The following PLCB4 variants were observed in gnomAD, a reference collection of about 807,000 sequenced individuals.
The protein encoded by PLCB4 is phospholipase C beta 4.
PLCB4 carries 77 observed loss-of-function variants against 178.8 expected under a neutral mutation model. The observed-to-expected ratio is 0.43, with a 90% CI of 0.36 to 0.52. The LOEUF (loss-of-function observed/expected upper bound fraction) is 0.52, where lower values mean the gene tolerates loss of function less well. Ranked by LOEUF, PLCB4 falls within the 20% of genes least tolerant of loss-of-function variation. PLCB4 has a pLI of 0.00. For missense variants in PLCB4, 1,024 were observed against 1,453.4 expected (o/e 0.70, Z 4.80); for synonymous variants, 496 against 490.8 (o/e 1.01, Z -0.14).
intron 14 of PLCB4, among the ~76,000 whole-genome samples, chr20:9,385,439 G>A (rs1246607862): frequency 6.7e-6 from 1 of 149,252 alleles, no homozygotes; most frequent in African/African-American, 2.5e-5. Context: ...GGGCGGCCGG[G>A]CAGAGGCGCT....
At chr20:9,358,703 G>A (rs929359364) in intron 7 of PLCB4, among the ~76,000 whole-genome samples, 2 of 152,024 alleles carry the variant, frequency 1.3e-5, no homozygotes, top group Non-Finnish European at 2.9e-5. Flanking sequence ...AACACACCCT[G>A]GCCGACATGG....
intron 2 of PLCB4, among the ~76,000 whole-genome samples, chr20:9,186,299 A>G (rs1427853287): frequency 2.6e-5 from 4 of 152,228 alleles, no homozygotes; most frequent in African/African-American, 9.6e-5. Flanking sequence ...AAGTTTTTTA[A>G]AAAATAGTAT....
intron 12 of PLCB4, among the ~76,000 whole-genome samples, chr20:9,373,314 G>A (rs777282178): frequency 2.0e-5 from 3 of 152,154 alleles, no homozygotes; most frequent in Admixed American, 1.3e-4. Flanking sequence ...ACCACTTTTT[G>A]TTGGTTTCTG....
intron 7 of PLCB4, among the ~76,000 whole-genome samples, chr20:9,350,446 C>T (rs1602026124): frequency 6.6e-6 from 1 of 152,292 alleles, no homozygotes; most frequent in Non-Finnish European, 1.5e-5. Context: ...CTTTTCAAGG[C>T]CATACGTCCA....
chr20:9,186,577 T>G (rs1184094803), intron 2 of PLCB4, among the ~76,000 whole-genome samples: 1 of 152,202 alleles, frequency 6.6e-6, no homozygotes, highest in Non-Finnish European at 1.5e-5. Flanking sequence ...TCCAGTGAAT[T>G]CACTTCTTTG....
chr20:9,316,483 T>C (rs915203018), intron 4 of PLCB4, among the ~76,000 whole-genome samples: 1 of 152,178 alleles, frequency 6.6e-6, no homozygotes, highest in Non-Finnish European at 1.5e-5. Context: ...GGCCAAAAGG[T>C]TGGAGAAGAC....
intron 35 of PLCB4, among the ~76,000 whole-genome samples, chr20:9,465,821 G>C (rs1177964686): frequency 6.6e-6 from 1 of 152,200 alleles, no homozygotes; most frequent in East Asian, 1.9e-4. Context: ...CATGCTCATG[G>C]ATAGGAAGAA....
At chr20:9,125,128 A>G in intron 2 of PLCB4, among the ~76,000 whole-genome samples, 1 of 152,198 alleles carries the variant, frequency 6.6e-6, no homozygotes, top group Non-Finnish European at 1.5e-5. Context: ...TTCTGCTTTC[A>G]GACCAATGAG....
intron 35 of PLCB4, among the ~76,000 whole-genome samples, chr20:9,462,544 A>G (rs1778057469): frequency 6.6e-6 from 1 of 152,218 alleles, no homozygotes; most frequent in Non-Finnish European, 1.5e-5. Context: ...ATGGATAACT[A>G]TAATAAACAG....
chr20:9,127,679 T>C (rs9679849), intron 2 of PLCB4, among the ~76,000 whole-genome samples: 244 of 57,914 alleles, frequency 4.2e-3, no homozygotes, highest in Admixed American at 0.014. Flanking sequence ...TCTATCTATC[T>C]ATCTATCCAT....
chr20:9,473,674 A>G (rs2044342838), intron 38 of PLCB4, among the ~76,000 whole-genome samples: 1 of 152,222 alleles, frequency 6.6e-6, no homozygotes, highest in Non-Finnish European at 1.5e-5. Context: ...GTATTTCTCC[A>G]TTTTCATTTA....
chr20:9,476,875 T>A (rs2044584190), intron 39 of PLCB4, 122 bp downstream of exon 39: 1 of 666,632 alleles, frequency 1.5e-6, no homozygotes, highest in Non-Finnish European at 2.6e-6. Context: ...GGTTTGGATT[T>A]AAAAGCTTGA....
chr20:9,124,656 A>G (rs1188307447), intron 2 of PLCB4, among the ~76,000 whole-genome samples: 2 of 152,208 alleles, frequency 1.3e-5, no homozygotes, highest in Admixed American at 6.5e-5. Context: ...AAGCAATGAT[A>G]AGAGAAAAAA....
intron 4 of PLCB4, among the ~76,000 whole-genome samples, chr20:9,320,553 G>A (rs1214882507): frequency 1.3e-5 from 2 of 152,124 alleles, no homozygotes; most frequent in African/African-American, 2.4e-5. Context: ...TCTCAGCCTC[G>A]TTTTACCCAG....
chr20:9,151,762 A>C (rs1387056735), intron 2 of PLCB4, among the ~76,000 whole-genome samples: 9 of 152,174 alleles, frequency 5.9e-5, no homozygotes, highest in Non-Finnish European at 2.9e-5. Flanking sequence ...GAAAATATGG[A>C]AGTGACTTTG....
chr20:9,110,414 C>T (rs770191522), intron 2 of PLCB4, among the ~76,000 whole-genome samples: 29 of 152,232 alleles, frequency 1.9e-4, no homozygotes, highest in Middle Eastern at 3.4e-3. Context: ...CCTCTATTTA[C>T]ACTGTCTTTT....
chr20:9,133,269 T>C (rs946624009), intron 2 of PLCB4, among the ~76,000 whole-genome samples: 3 of 152,024 alleles, frequency 2.0e-5, no homozygotes, highest in African/African-American at 4.8e-5. Context: ...TTGCAATTAC[T>C]TTTTTTTGTT....
chr20:9,315,813 G>A (rs2094892133), intron 4 of PLCB4, among the ~76,000 whole-genome samples: 1 of 151,968 alleles, frequency 6.6e-6, no homozygotes, highest in Non-Finnish European at 1.5e-5. Flanking sequence ...CGCGCCTGTA[G>A]TCCCAGCAAC....
rs113247909 is a variant in PLCB4 at position 9,362,211 on chromosome 20, A to T, written c.370-685A>T. Among the ~76,000 whole-genome samples, 940 of 152,308 alleles carry T rather than the reference A, an allele frequency of 6.2e-3. 13 individuals are homozygous for T. Among genetic ancestry groups the T allele is most frequent in the African/African-American group, 0.021 (888 of 41,560 alleles). On this transcript the variant is annotated intron_variant, in intron 7 of 39. Transcript: ENST00000378473. ...CCAAGGGCAGAGTTGGCCTTAATTC[A>T]TGGGCTGAGCTTTTCTAGTAAATGC...
Sources: allele counts gnomAD v4.1 joint callset (sites outside exome capture counted in the v4.1 genomes callset), GRCh38; gene constraint gnomAD v4.1.1; transcripts MANE v1.5; gene names NCBI Gene and HGNC (gene_info 2026-07-23, HGNC 2026-07-21).